The following ANKRD44 variants were observed in gnomAD, a reference collection of about 807,000 sequenced individuals.
The protein encoded by ANKRD44 is serine/threonine-protein phosphatase 6 regulatory ankyrin repeat subunit B.
ANKRD44 carries 35 observed loss-of-function variants against 116.0 expected under a neutral mutation model. The ratio of observed to expected loss-of-function variants is 0.30; its 90% CI spans 0.23 to 0.40. The LOEUF is 0.40. ANKRD44 is among the 10% of genes least tolerant of loss of function. ANKRD44 has a pLI of 1.00. For missense variants in ANKRD44, 1,014 were observed against 1,242.6 expected, an observed-to-expected ratio of 0.82 and a Z score of 2.77; for synonymous variants, 435 against 461.8, an observed-to-expected ratio of 0.94 and a Z score of 0.74.
rs543755173 is a variant in ANKRD44, at chr2:197,103,224, T to C, written c.986-3294A>G. ...GCCTGGGCGACAGAGTGAGACTCCA[T>C]CTCAAAAAAAAAAAAAAAAAAAATT... On this transcript the variant is annotated intron_variant, in intron 9 of 27. Coordinates refer to ENST00000282272, the MANE Select transcript of ANKRD44 (RefSeq NM_001195144.2). Among the ~76,000 whole-genome samples, 398 of 68,028 alleles carry C rather than the reference T, an allele frequency of 5.9e-3. 1 individual carries two copies. The highest frequency in any genetic ancestry group is 0.044 in the East Asian group (79 of 1,794). 44.6% of individuals were successfully genotyped at this position (68,028 alleles called of 152,430 possible). A position where few individuals can be genotyped will look rare whatever the true frequency, so the allele number is the denominator to read the frequency against.
intron 16 of ANKRD44, among the ~76,000 whole-genome samples, chr2:197,055,395 C>T (rs1426626203): frequency 6.6e-6 from 1 of 152,110 alleles, no homozygotes; most frequent in Non-Finnish European, 1.5e-5. Context: ...CACTCTGAAG[C>T]TTGCCTTTGT....
At chr2:197,142,045 C>T (rs2079380340) in intron 3 of ANKRD44, among the ~76,000 whole-genome samples, 1 of 152,170 alleles carries the variant, frequency 6.6e-6, no homozygotes, top group Non-Finnish European at 1.5e-5. Flanking sequence ...CATGTTAAAG[C>T]TTAAACATGA....
intron 1 of ANKRD44, among the ~76,000 whole-genome samples, chr2:197,276,738 T>C (rs1338969571): frequency 6.6e-6 from 1 of 152,076 alleles, no homozygotes; most frequent in African/African-American, 2.4e-5. Context: ...AGGAAGAGGA[T>C]GTTACAAAAT....
At chr2:197,060,228 G>A (rs1386359103) in intron 16 of ANKRD44, among the ~76,000 whole-genome samples, 1 of 152,090 alleles carries the variant, frequency 6.6e-6, no homozygotes, top group Non-Finnish European at 1.5e-5. Context: ...AGATATAGCA[G>A]CTTCTTCATC....
chr2:197,131,250 G>A (rs960605917), intron 4 of ANKRD44, among the ~76,000 whole-genome samples: 2 of 150,332 alleles, frequency 1.3e-5, no homozygotes, highest in Non-Finnish European at 3.0e-5. Flanking sequence ...GGAGTGCAGT[G>A]GCGCGATCTC....
At chr2:197,095,101 G>A (rs1042278855) in intron 10 of ANKRD44, among the ~76,000 whole-genome samples, 2 of 152,156 alleles carry the variant, frequency 1.3e-5, no homozygotes, top group African/African-American at 4.8e-5. Flanking sequence ...CCGAAGTACT[G>A]GAAATATCTT....
intron 1 of ANKRD44, among the ~76,000 whole-genome samples, chr2:197,272,241 T>C (rs2082917627): frequency 6.6e-6 from 1 of 152,074 alleles, no homozygotes; most frequent in African/African-American, 2.4e-5. Flanking sequence ...GTATTTTGTT[T>C]TTGTTTTTGT....
intron 1 of ANKRD44, among the ~76,000 whole-genome samples, chr2:197,292,700 A>G (rs1359346257): frequency 6.6e-6 from 1 of 152,210 alleles, no homozygotes; most frequent in African/African-American, 2.4e-5. Context: ...GCCATGAGCT[A>G]CTTGTAAGCA....
chr2:197,066,411 T>C (rs1306898721), intron 16 of ANKRD44, among the ~76,000 whole-genome samples: 1 of 152,140 alleles, frequency 6.6e-6, no homozygotes, highest in Non-Finnish European at 1.5e-5. Context: ...ACCACTCCTA[T>C]TCAACACAGT....
In ANKRD44 at chr2:197,125,408, G is replaced by T; in HGVS notation, c.523C>A (p.Arg175Ser). 1 of 1,614,176 alleles carries T rather than the reference G, an allele frequency of 6.2e-7. No individual in the cohort carries two copies. Among genetic ancestry groups the T allele is most frequent in the Non-Finnish European group, 8.5e-7 (1 of 1,180,020 alleles). Residue 175 changes from arginine (R) to serine (S), a missense_variant, in exon 6 of 28, where the codon CGT (arginine) becomes AGT (serine). Transcript: ENST00000282272. ...ATGTATGCTGCCCAGTGCAGAGCACGCCGGTCCTTCTTGTCAAATGCATTG... is the reference window on the plus strand; with the variant it reads ...ATGTATGCTGCCCAGTGCAGAGCACTCCGGTCCTTCTTGTCAAATGCATTG... ...NINAFDKKDR[R>S]ALHWAAYMGH... is the part of the protein sequence containing the mutation.
At chr2:197,000,551 T>C (rs16860307) in intron 22 of ANKRD44, 49 bp from the exon 23 acceptor site, 77,027 of 1,416,672 alleles carry the variant, frequency 0.054, 2,685 homozygotes, top group African/African-American at 0.15. Flanking sequence ...TTTTAAATTA[T>C]ATCACCTCCT....
intron 1 of ANKRD44, chr2:197,263,387 C>T: frequency 1.6e-6 from 1 of 617,802 alleles, no homozygotes; most frequent in South Asian, 1.7e-5. Flanking sequence ...GGGATTGCGA[C>T]TGTGTTTGGG....
intron 21 of ANKRD44, among the ~76,000 whole-genome samples, chr2:197,002,647 A>G (rs1370320575): frequency 6.6e-6 from 1 of 152,200 alleles, no homozygotes; most frequent in African/African-American, 2.4e-5. Flanking sequence ...ATTGTAAGAC[A>G]GATCTTGCTG....
intron 1 of ANKRD44, among the ~76,000 whole-genome samples, chr2:197,248,141 G>A (rs867462821): frequency 5.3e-5 from 8 of 152,152 alleles, no homozygotes; most frequent in African/African-American, 9.7e-5. Flanking sequence ...AGTGCAAAAC[G>A]CAATTATCTT....
chr2:197,041,023 C>G (rs1250413477), intron 16 of ANKRD44, among the ~76,000 whole-genome samples: 3 of 152,174 alleles, frequency 2.0e-5, no homozygotes, highest in Non-Finnish European at 4.4e-5. Context: ...CTAACAGAAG[C>G]CTTCAAAAGT....
chr2:197,132,555 T>G (rs568442016), intron 4 of ANKRD44, among the ~76,000 whole-genome samples: 1 of 152,324 alleles, frequency 6.6e-6, no homozygotes, highest in South Asian at 2.1e-4. Flanking sequence ...AAATTTTGAC[T>G]TAGACTGATA....
chr2:197,078,899 G>T, intron 15 of ANKRD44, 85 bp from the exon 16 acceptor site: 1 of 1,334,372 alleles, frequency 7.5e-7, no homozygotes, highest in Non-Finnish European at 1.0e-6. Context: ...TATTACGAAC[G>T]TTCCATGAAG....
At chr2:197,263,297 G>A (rs1449455495) in intron 1 of ANKRD44, 14 of 652,716 alleles carry the variant, frequency 2.1e-5, no homozygotes, top group African/African-American at 1.3e-4. Context: ...GGAAAGCAGC[G>A]CCATTTCAAG....
intron 4 of ANKRD44, among the ~76,000 whole-genome samples, chr2:197,127,526 A>G (rs2079003341): frequency 6.6e-6 from 1 of 152,192 alleles, no homozygotes; most frequent in African/African-American, 2.4e-5. Flanking sequence ...CTTCTCCTGT[A>G]TCACATATTG....
Sources: allele counts gnomAD v4.1 joint callset (sites outside exome capture counted in the v4.1 genomes callset), GRCh38; gene constraint gnomAD v4.1.1; transcripts MANE v1.5; gene names NCBI Gene and HGNC (gene_info 2026-07-23, HGNC 2026-07-21).